The following GALNTL6 variants were observed in gnomAD, a reference collection of about 807,000 sequenced individuals.
GALNTL6 encodes the protein polypeptide N-acetylgalactosaminyltransferase-like 6.
Under a neutral mutation model 73.7 loss-of-function variants are expected in GALNTL6, and 46 were observed. That is an observed-to-expected ratio of 0.62 (90% confidence interval 0.49 to 0.80). GALNTL6 has a LOEUF of 0.80. GALNTL6 is among the 30% of genes least tolerant of loss of function. The pLI is 0.00. For synonymous variants in GALNTL6, 259 were observed against 263.7 expected (o/e 0.98, Z 0.17); for missense variants, 604 against 755.0 (o/e 0.80, Z 2.34).
At chr4:172,378,170 G>A (rs900075247) in intron 5 of GALNTL6, among the ~76,000 whole-genome samples, 1 of 152,274 alleles carries the variant, frequency 6.6e-6, no homozygotes, top group Middle Eastern at 3.4e-3. Context: ...ATGATATTCT[G>A]ATACAGAGTT....
intron 8 of GALNTL6, among the ~76,000 whole-genome samples, chr4:172,903,643 T>G (rs544810981): frequency 2.6e-5 from 4 of 152,316 alleles, no homozygotes; most frequent in Admixed American, 2.6e-4. Context: ...TTGAGCCCAG[T>G]AATTGGAGTA....
intron 7 of GALNTL6, among the ~76,000 whole-genome samples, chr4:172,844,165 A>G (rs1379580924): frequency 6.6e-6 from 1 of 152,246 alleles, no homozygotes; most frequent in Non-Finnish European, 1.5e-5. Flanking sequence ...GTTTTGGCTC[A>G]TACCGCGTAC....
chr4:172,362,460 T>G (rs1013569164), intron 5 of GALNTL6, among the ~76,000 whole-genome samples: 1 of 152,174 alleles, frequency 6.6e-6, no homozygotes, highest in Non-Finnish European at 1.5e-5. Context: ...TCTTCTTATC[T>G]GGGGCATGCT....
At chr4:172,796,044 T>G (rs1383873656) in intron 5 of GALNTL6, among the ~76,000 whole-genome samples, 1 of 151,556 alleles carries the variant, frequency 6.6e-6, no homozygotes, top group Non-Finnish European at 1.5e-5. Flanking sequence ...CAGGAAAATA[T>G]GAACAGTGAT....
intron 3 of GALNTL6, among the ~76,000 whole-genome samples, chr4:172,297,588 C>T (rs2111113402): frequency 6.6e-6 from 1 of 152,296 alleles, no homozygotes; most frequent in South Asian, 2.1e-4. Context: ...AACCAGTTTT[C>T]CCAGCACCAT....
chr4:171,989,342 T>TG (rs781575728), intron 2 of GALNTL6, among the ~76,000 whole-genome samples: 2 of 152,158 alleles, frequency 1.3e-5, no homozygotes, highest in Non-Finnish European at 2.9e-5. Flanking sequence ...CAGAGAGCCT[T>TG]GGGCCAGCAT....
chr4:171,975,648 A>G (rs1487830982), intron 2 of GALNTL6, among the ~76,000 whole-genome samples: 3 of 152,156 alleles, frequency 2.0e-5, no homozygotes, highest in Admixed American at 2.0e-4. Flanking sequence ...GCTAGACCTA[A>G]AGAGAATAAA....
At chr4:172,569,122 C>A (rs1018062664) in intron 5 of GALNTL6, among the ~76,000 whole-genome samples, 2 of 152,086 alleles carry the variant, frequency 1.3e-5, no homozygotes, top group Non-Finnish European at 2.9e-5. Flanking sequence ...CCAGTATAAC[C>A]GAAAACCCTA....
chr4:171,924,488 GTATT>G (rs1737913482), intron 2 of GALNTL6, among the ~76,000 whole-genome samples: 1 of 152,104 alleles, frequency 6.6e-6, no homozygotes, highest in African/African-American at 2.4e-5. Context: ...ACTATTTAGA[GTATT>G]TATATAAAAG....
intron 2 of GALNTL6, among the ~76,000 whole-genome samples, chr4:171,899,077 T>TATTTAGTCTTTATTAATACTAAATAAAA: frequency 6.9e-6 from 1 of 145,360 alleles, no homozygotes; most frequent in East Asian, 2.0e-4. Context: ...GTATTACTTT[T>TATTTAGTCTTTATTAATACTAAATAAAA]ATTTAGTATT....
intron 5 of GALNTL6, among the ~76,000 whole-genome samples, chr4:172,625,255 G>A (rs141986710): frequency 2.6e-3 from 392 of 151,630 alleles, no homozygotes; most frequent in Middle Eastern, 0.01. Flanking sequence ...CTTTATGTCC[G>A]TACATACCCA....
chr4:171,875,716 G>A (rs1163281115), intron 2 of GALNTL6, among the ~76,000 whole-genome samples: 1 of 150,836 alleles, frequency 6.6e-6, no homozygotes, highest in Non-Finnish European at 1.5e-5. Context: ...ACCATAAGGG[G>A]CATTTTGGGT....
At chr4:172,571,566 T>G (rs908965120) in intron 5 of GALNTL6, among the ~76,000 whole-genome samples, 3 of 152,208 alleles carry the variant, frequency 2.0e-5, no homozygotes, top group African/African-American at 4.8e-5. Flanking sequence ...ATCAGAGGAA[T>G]AAGCCAGAAT....
At chr4:173,028,756 G>A (rs1273904930) in intron 12 of GALNTL6, among the ~76,000 whole-genome samples, 1 of 152,124 alleles carries the variant, frequency 6.6e-6, no homozygotes, top group Non-Finnish European at 1.5e-5. Flanking sequence ...AACTACATAT[G>A]CAACCTCCCA....
At chr4:172,915,470 G>T (rs1341169089) in intron 8 of GALNTL6, among the ~76,000 whole-genome samples, 3 of 152,036 alleles carry the variant, frequency 2.0e-5, no homozygotes, top group Non-Finnish European at 1.5e-5. Flanking sequence ...CTGGTTTTTC[G>T]AAAAGATCAA....
chr4:172,014,962 G>A (rs1384526702), intron 2 of GALNTL6, among the ~76,000 whole-genome samples: 1 of 152,032 alleles, frequency 6.6e-6, no homozygotes, highest in Admixed American at 6.6e-5. Context: ...GACTCATACT[G>A]TGACCTATCA....
chr4:172,404,989 C>G (rs943927681), intron 5 of GALNTL6, among the ~76,000 whole-genome samples: 2 of 152,000 alleles, frequency 1.3e-5, no homozygotes, highest in South Asian at 4.1e-4. Flanking sequence ...GCAGGGCTAC[C>G]GGTCTCTCAG....
chr4:173,014,489 GCTCC>G (rs1752695591), intron 11 of GALNTL6, among the ~76,000 whole-genome samples: 1 of 152,200 alleles, frequency 6.6e-6, no homozygotes, highest in Non-Finnish European at 1.5e-5. Context: ...GCAAACACTG[GCTCC>G]CTCTCCAGGG....
At chr4:172,950,117 A>T (rs1337138854) in intron 9 of GALNTL6, among the ~76,000 whole-genome samples, 3 of 152,308 alleles carry the variant, frequency 2.0e-5, no homozygotes, top group Admixed American at 2.0e-4. Context: ...GACTCTCAAG[A>T]CATCATCTGT....
Sources: allele counts gnomAD v4.1 joint callset (sites outside exome capture counted in the v4.1 genomes callset), GRCh38; gene constraint gnomAD v4.1.1; transcripts MANE v1.5; gene names NCBI Gene and HGNC (gene_info 2026-07-23, HGNC 2026-07-21).